TSHZ3: variants seen among roughly 807,000 people sequenced by gnomAD.
TSHZ3 encodes the protein teashirt homolog 3.
A neutral mutation model predicts 64.5 loss-of-function variants in TSHZ3; 10 were observed. The observed-to-expected ratio is 0.16, with a 90% CI of 0.10 to 0.26. The LOEUF is 0.26. Ranked by LOEUF, TSHZ3 falls within the 10% of genes least tolerant of loss-of-function variation. The pLI, the probability that TSHZ3 is intolerant of heterozygous loss-of-function variation, is 1.00. For missense variants in TSHZ3, 1,242 were observed against 1,421.7 expected (o/e 0.87, Z 2.03); for synonymous variants, 608 against 593.1 (o/e 1.03, Z -0.36).
chr19:31,228,254 G>T (rs112859352), intron 3 of TSHZ3, among the ~76,000 whole-genome samples: 2,184 of 152,178 alleles, frequency 0.014, 53 homozygotes, highest in African/African-American at 0.048. Flanking sequence ...GGCTGGGTGT[G>T]GTGGCTCACA....
chr19:31,325,128 A>G (rs1006375123), intron 1 of TSHZ3, among the ~76,000 whole-genome samples: 1 of 152,246 alleles, frequency 6.6e-6, no homozygotes, highest in Non-Finnish European at 1.5e-5. Context: ...ATACGGGCAC[A>G]GTGCCTCTGT....
Position 31,278,165 on chromosome 19 carries a change from C to T in TSHZ3, c.1628G>A (p.Ser543Asn). Residue 543 changes from serine to asparagine, a missense_variant, in exon 2 of 2, where the codon AGC becomes AAC. This residue lies in a region of TSHZ3 where 550 missense variants were observed against 545.1 expected (regional missense o/e 1.01). Transcript: ENST00000240587. The surrounding 1 kb of genome is among the most constrained non-coding windows in gnomAD (Gnocchi z 4.7). The part of the protein sequence containing the change: ...AINKAQNGTP[S>N]WGGYPSIHAA... ...ATGGATGCTGGGATAGCCCCCCCAG[C>T]TAGGAGTGCCGTTCTGGGCCTTGTT... 3.7e-6 allele frequency: 6 copies of T among 1,614,154 alleles called. No homozygotes were observed. The highest frequency in any genetic ancestry group is 1.7e-5 in the Admixed American group (1 of 60,030).
At chr19:31,152,439 G>A (rs1365515364) in intron 6 of TSHZ3, among the ~76,000 whole-genome samples, 1 of 152,144 alleles carries the variant, frequency 6.6e-6, no homozygotes, top group Non-Finnish European at 1.5e-5. Context: ...TGCCGCTTCA[G>A]GGGTGATTAG....
At position 31,183,223 on chromosome 19, in the gene TSHZ3, TCTCTTTC is replaced by T. The variant is rs1568340019; in HGVS notation, n.809+21726_809+21732del. On this transcript the variant is annotated intron_variant and non_coding_transcript_variant, in intron 5 of 6. Transcript: ENST00000651361. ...CTCTCTCTCTCTCTCTCTCTCTCTCTCTCTTTCTCTCTCTCTCTCCATCCTTAGAGGA... is the reference window on the plus strand; with the variant it reads ...CTCTCTCTCTCTCTCTCTCTCTCTCTTCTCTCTCTCTCCATCCTTAGAGGA... Among the ~76,000 whole-genome samples the T allele has an allele frequency of 3.3e-3, 68 of 20,476 alleles. 1 individual carries two copies. The highest frequency in any genetic ancestry group is 0.013 in the African/African-American group (67 of 5,166). The allele number at this position is 20,476 out of a possible 152,430, so 13.4% of individuals were successfully genotyped here.
intron 1 of TSHZ3, among the ~76,000 whole-genome samples, chr19:31,281,236 T>TAAAC (rs1010714008): frequency 1.3e-5 from 2 of 151,958 alleles, no homozygotes; most frequent in Admixed American, 1.3e-4. Flanking sequence ...ACAACAACAA[T>TAAAC]AAACAAACAA....
intron 1 of TSHZ3, among the ~76,000 whole-genome samples, chr19:31,330,776 C>A (rs1372422471): frequency 2.0e-5 from 3 of 152,118 alleles, no homozygotes; most frequent in Non-Finnish European, 4.4e-5. Flanking sequence ...CGACCCCAGA[C>A]CCCAGACGGA....
At chr19:31,160,427 C>G (rs1974361084) in intron 5 of TSHZ3, among the ~76,000 whole-genome samples, 1 of 152,182 alleles carries the variant, frequency 6.6e-6, no homozygotes. Context: ...AGTGACAACC[C>G]TGGTATCTAA....
chr19:31,169,790 T>C (rs1239074575), intron 5 of TSHZ3, among the ~76,000 whole-genome samples: 5 of 152,126 alleles, frequency 3.3e-5, no homozygotes, highest in African/African-American at 1.2e-4. Context: ...TGTGCAAAGT[T>C]CCAAAGACAG....
intron 1 of TSHZ3, among the ~76,000 whole-genome samples, chr19:31,307,924 C>T (rs758631423): frequency 6.6e-6 from 1 of 152,144 alleles, no homozygotes; most frequent in Non-Finnish European, 1.5e-5. Context: ...ACTTGTATGA[C>T]TCTCATAAAG....
intron 1 of TSHZ3, among the ~76,000 whole-genome samples, chr19:31,312,949 T>C (rs1916500663): frequency 6.6e-6 from 1 of 152,250 alleles, no homozygotes; most frequent in Non-Finnish European, 1.5e-5. Context: ...TTTCCCTTTA[T>C]GGCAAGTGAT....
At chr19:31,321,520 T>C (rs532109232) in intron 1 of TSHZ3, among the ~76,000 whole-genome samples, 1 of 152,250 alleles carries the variant, frequency 6.6e-6, no homozygotes, top group Non-Finnish European at 1.5e-5. Context: ...TGAAACCTCA[T>C]GGAAACACAC....
intron 1 of TSHZ3, among the ~76,000 whole-genome samples, chr19:31,266,926 C>T (rs1292221178): frequency 1.3e-5 from 2 of 152,194 alleles, no homozygotes; most frequent in South Asian, 2.1e-4. Flanking sequence ...GCTCAAGTGG[C>T]ATCCATCCTT....
intron 6 of TSHZ3, among the ~76,000 whole-genome samples, chr19:31,153,166 A>G (rs1974262829): frequency 6.6e-6 from 1 of 152,184 alleles, no homozygotes; most frequent in Non-Finnish European, 1.5e-5. Flanking sequence ...GGTGTTGCAT[A>G]AAGTTGATGA....
chr19:31,182,941 A>G (rs1432066568), intron 5 of TSHZ3, among the ~76,000 whole-genome samples: 1 of 152,212 alleles, frequency 6.6e-6, no homozygotes, highest in Non-Finnish European at 1.5e-5. Flanking sequence ...TAACATTTAA[A>G]TCATTAGATT....
chr19:31,291,510 ACT>A (rs2145130189), intron 1 of TSHZ3, among the ~76,000 whole-genome samples: 1 of 152,182 alleles, frequency 6.6e-6, no homozygotes, highest in Non-Finnish European at 1.5e-5. Flanking sequence ...CTCTACAATG[ACT>A]CTCTTCCAAT....
At chr19:31,208,825 C>T (rs941201885) in intron 4 of TSHZ3, among the ~76,000 whole-genome samples, 1 of 152,184 alleles carries the variant, frequency 6.6e-6, no homozygotes, top group Admixed American at 6.5e-5. Flanking sequence ...TACTTACCAA[C>T]GCTACCTTCA....
chr19:31,203,264 A>C (rs1284974313), intron 5 of TSHZ3, among the ~76,000 whole-genome samples: 1 of 152,168 alleles, frequency 6.6e-6, no homozygotes, highest in African/African-American at 2.4e-5. Context: ...TGGCATGCTG[A>C]AGGAACAACA....
intron 1 of TSHZ3, among the ~76,000 whole-genome samples, chr19:31,263,239 C>A (rs1976004676): frequency 6.6e-6 from 1 of 152,168 alleles, no homozygotes; most frequent in African/African-American, 2.4e-5. Flanking sequence ...GTTGAACCCA[C>A]CTTGATTATA....
At chr19:31,161,185 T>A (rs1002796308) in intron 5 of TSHZ3, among the ~76,000 whole-genome samples, 1 of 152,182 alleles carries the variant, frequency 6.6e-6, no homozygotes, top group Non-Finnish European at 1.5e-5. Flanking sequence ...TACATCCATA[T>A]CACCAAGAAA....
Sources: gnomAD v4.1 joint callset for allele counts (sites outside exome capture counted in the v4.1 genomes callset) on GRCh38, gnomAD v4.1.1 for gene constraint, gnomAD v4.1.1 regional missense constraint, Gnocchi (gnomAD v3.1) non-coding constraint, MANE v1.5 for transcripts, NCBI Gene and HGNC (gene_info 2026-07-23, HGNC 2026-07-21) for gene names.